The following DLGAP2 variants were observed in gnomAD, a reference collection of about 807,000 sequenced individuals.
DLGAP2 encodes the protein disks large-associated protein 2.
DLGAP2 carries 26 observed loss-of-function variants against 100.3 expected under a neutral mutation model. The ratio of observed to expected loss-of-function variants is 0.26; its 90% CI spans 0.19 to 0.36. The LOEUF (loss-of-function observed/expected upper bound fraction) is 0.36, where lower values mean the gene tolerates loss of function less well. Ranked by LOEUF, DLGAP2 falls within the 10% of genes least tolerant of loss-of-function variation. The pLI is 1.00. For missense variants in DLGAP2, 1,858 were observed against 1,453.2 expected, an observed-to-expected ratio of 1.28 and a Z score of -4.53; for synonymous variants, 886 against 630.1, an observed-to-expected ratio of 1.41 and a Z score of -6.08.
At chr8:1,417,720 G>A (rs1480074974) in intron 3 of DLGAP2, among the ~76,000 whole-genome samples, 3 of 148,014 alleles carry the variant, frequency 2.0e-5, no homozygotes, top group Non-Finnish European at 4.5e-5. Context: ...ACTCGGCGAG[G>A]CTCCAGACAC....
chr8:889,329 G>C (rs1797988328), intron 1 of DLGAP2, among the ~76,000 whole-genome samples: 1 of 152,202 alleles, frequency 6.6e-6, no homozygotes, highest in South Asian at 2.1e-4. Context: ...TTGGTGGAGA[G>C]GGTGTGTTTC....
chr8:841,318 C>T (rs1449766325), intron 1 of DLGAP2, among the ~76,000 whole-genome samples: 8 of 152,300 alleles, frequency 5.3e-5, no homozygotes, highest in African/African-American at 1.2e-4. Flanking sequence ...CTCATCCTGA[C>T]GCTCACACTT....
intron 5 of DLGAP2, among the ~76,000 whole-genome samples, chr8:1,556,703 T>G (rs972613400): frequency 7.4e-4 from 112 of 152,272 alleles, no homozygotes; most frequent in African/African-American, 2.5e-3. Context: ...TGGAATCAAG[T>G]TTGTCCTTAA....
At chr8:848,432 C>T (rs1797113990) in intron 1 of DLGAP2, among the ~76,000 whole-genome samples, 1 of 68,268 alleles carries the variant, frequency 1.5e-5, no homozygotes, top group South Asian at 7.3e-4. Flanking sequence ...AGTGTAGGGT[C>T]GTGCGGTGCG....
intron 1 of DLGAP2, among the ~76,000 whole-genome samples, chr8:835,205 T>C (rs186614023): frequency 1.3e-5 from 2 of 152,344 alleles, no homozygotes; most frequent in Admixed American, 1.3e-4. Context: ...TAGTGAGGAA[T>C]AAAACTTTAT....
chr8:1,627,240 C>T (rs562039506), intron 7 of DLGAP2, among the ~76,000 whole-genome samples: 2 of 152,336 alleles, frequency 1.3e-5, no homozygotes, highest in African/African-American at 4.8e-5. Context: ...GCTCTGGCAG[C>T]ATGGCTCTCA....
Position 1,051,907 on chromosome 8 carries a change from C to A in DLGAP2, c.73+143941C>A, listed in dbSNP as rs1802724793. On this transcript the variant is annotated intron_variant, in intron 2 of 14. Coordinates refer to ENST00000637795, the MANE Select transcript of DLGAP2 (RefSeq NM_001346810.2). ...TTTCAATTTCAACATGCCATGGATTCATGAGAGCAAATGAGCTTAAATGCA... is the reference window on the plus strand; with the variant it reads ...TTTCAATTTCAACATGCCATGGATTAATGAGAGCAAATGAGCTTAAATGCA... 3.3e-5 allele frequency among the ~76,000 whole-genome samples: 5 copies of A among 152,132 alleles called. No homozygotes were observed. The South Asian group carries it at 1.0e-3, about 32-fold the overall frequency.
intron 1 of DLGAP2, among the ~76,000 whole-genome samples, chr8:759,787 C>T (rs377283188): frequency 6.6e-5 from 10 of 152,166 alleles, no homozygotes; most frequent in South Asian, 2.1e-4. Flanking sequence ...TCCCCTCTCT[C>T]GATAGAATTG....
intron 3 of DLGAP2, among the ~76,000 whole-genome samples, chr8:1,309,859 C>T (rs977363914): frequency 6.6e-6 from 1 of 152,136 alleles, no homozygotes; most frequent in Non-Finnish European, 1.5e-5. Context: ...CTTTGGGAGG[C>T]CAAGGCGGGC....
intron 1 of DLGAP2, among the ~76,000 whole-genome samples, chr8:892,492 G>T (rs914193152): frequency 4.6e-5 from 7 of 152,196 alleles, no homozygotes; most frequent in African/African-American, 1.7e-4. Flanking sequence ...TGCCCCTGGG[G>T]CTGCAGATTC....
chr8:1,577,971 A>G (rs1324356549), intron 6 of DLGAP2, among the ~76,000 whole-genome samples: 2 of 152,236 alleles, frequency 1.3e-5, no homozygotes, highest in African/African-American at 4.8e-5. Context: ...GTAATCTGAT[A>G]ACGTTTTGTT....
chr8:1,317,330 G>C (rs1327017180), intron 3 of DLGAP2, among the ~76,000 whole-genome samples: 1 of 131,248 alleles, frequency 7.6e-6, no homozygotes, highest in Non-Finnish European at 1.6e-5. Context: ...TGCGAGTGCA[G>C]CGTCTCTCCA....
At chr8:852,337 T>C (rs999257877) in intron 1 of DLGAP2, among the ~76,000 whole-genome samples, 7 of 152,178 alleles carry the variant, frequency 4.6e-5, no homozygotes. Flanking sequence ...GAAACCACAG[T>C]AGCCTCCTGT....
intron 3 of DLGAP2, among the ~76,000 whole-genome samples, chr8:1,389,524 G>A (rs1472492965): frequency 6.6e-6 from 1 of 152,176 alleles, no homozygotes; most frequent in Admixed American, 6.5e-5. Flanking sequence ...AGGTGTGGAC[G>A]AGGCCGCTCG....
intron 2 of DLGAP2, among the ~76,000 whole-genome samples, chr8:932,898 T>C (rs549486862): frequency 1.4e-4 from 21 of 152,356 alleles, no homozygotes; most frequent in African/African-American, 4.3e-4. Flanking sequence ...ACATTCCTGA[T>C]TGAAAACATA....
Position 1,114,126 on chromosome 8 carries a change from C to T in DLGAP2, c.74-144725C>T, listed in dbSNP as rs148294048. 8.5e-4 allele frequency among the ~76,000 whole-genome samples: 130 copies of T among 152,070 alleles called. No individual in the cohort carries two copies. In the East Asian group the frequency reaches 0.022, roughly 26 times the overall value. Reference sequence around the variant, plus strand: ...GAATTTTGCTGAGGATTTTTTTCATCGATGTTCATCAAGGATATTGGCCTG... The same window carrying T: ...GAATTTTGCTGAGGATTTTTTTCATTGATGTTCATCAAGGATATTGGCCTG... On this transcript the variant is annotated intron_variant, in intron 2 of 14. Transcript: ENST00000637795.
chr8:1,421,748 G>C (rs935944320), intron 3 of DLGAP2, among the ~76,000 whole-genome samples: 13 of 152,014 alleles, frequency 8.6e-5, no homozygotes, highest in African/African-American at 3.1e-4. Flanking sequence ...GGTGGATCAC[G>C]AGGTCAGCAG....
chr8:1,164,417 A>AGCCTCCCAGGGCCC (rs1796973478), intron 2 of DLGAP2, among the ~76,000 whole-genome samples: 1 of 151,408 alleles, frequency 6.6e-6, no homozygotes, highest in Admixed American at 6.6e-5. Flanking sequence ...GTTTCTCTGG[A>AGCCTCCCAGGGCCC]GCTGCGATTC....
intron 2 of DLGAP2, among the ~76,000 whole-genome samples, chr8:1,172,033 T>G (rs1797139875): frequency 6.6e-6 from 1 of 152,154 alleles, no homozygotes; most frequent in Non-Finnish European, 1.5e-5. Context: ...GGTTGTTCCT[T>G]TTCATGTTTA....
Sources: allele counts gnomAD v4.1 joint callset (sites outside exome capture counted in the v4.1 genomes callset), GRCh38; gene constraint gnomAD v4.1.1; transcripts MANE v1.5; gene names NCBI Gene and HGNC (gene_info 2026-07-23, HGNC 2026-07-21).